POF1B: variants seen among roughly 807,000 people sequenced by gnomAD.
POF1B encodes POF1B actin binding protein, also known as protein POF1B.
A neutral mutation model predicts 55.3 loss-of-function variants in POF1B; 53 were observed. That is an observed-to-expected ratio of 0.96 (90% CI 0.77 to 1.20). The LOEUF (loss-of-function observed/expected upper bound fraction) is 1.20. POF1B is among the 50% of genes most tolerant of loss of function. The pLI, the probability that POF1B is intolerant of heterozygous loss-of-function variation, is 0.00. For missense variants in POF1B, 478 were observed against 420.5 expected (o/e 1.14, Z -1.20); for synonymous variants, 188 against 148.3 (o/e 1.27, Z -1.95).
chrX:85,367,802 T>A, intron 2 of POF1B, 36 bp from the exon 3 acceptor site: 1 of 914,685 alleles, frequency 1.1e-6, no homozygotes, highest in Non-Finnish European at 1.5e-6. Flanking sequence ...CAGAAATTAT[T>A]TGAAAGTCTT....
chrX:85,292,113 C>G (rs1250930021), intron 15 of POF1B, among the ~76,000 whole-genome samples: 1 of 111,423 alleles, frequency 9.0e-6, no homozygotes, highest in Non-Finnish European at 1.9e-5. Context: ...ATGTTCCTTC[C>G]ATACCTAGTT....
At chrX:85,369,220 C>T (rs1933779490) in intron 2 of POF1B, among the ~76,000 whole-genome samples, 2 of 111,159 alleles carry the variant, frequency 1.8e-5, no homozygotes, top group African/African-American at 6.5e-5. Flanking sequence ...CAGACAAATG[C>T]AGAGAATTAC....
chrX:85,282,445 GA>G, intron 15 of POF1B, 128 bp from the exon 16 acceptor site: 1 of 342,098 alleles, frequency 2.9e-6, no homozygotes, highest in South Asian at 1.5e-4. Context: ...AACTGTTACT[GA>G]AAAAACAAAA....
chrX:85,290,094 A>AG (rs1190029660), intron 15 of POF1B, among the ~76,000 whole-genome samples: 1 of 111,197 alleles, frequency 9.0e-6, no homozygotes, highest in Non-Finnish European at 1.9e-5. Context: ...ATAGTTTTTC[A>AG]GCCCTTGCCT....
At chrX:85,352,604 T>C (rs765415828) in intron 4 of POF1B, among the ~76,000 whole-genome samples, 1 of 111,550 alleles carries the variant, frequency 9.0e-6, no homozygotes, top group African/African-American at 3.2e-5. Flanking sequence ...GACTAGGTGA[T>C]GAAGTATTAA....
intron 15 of POF1B, among the ~76,000 whole-genome samples, chrX:85,297,070 C>T (rs1317187501): frequency 8.9e-6 from 1 of 111,743 alleles, no homozygotes; most frequent in Non-Finnish European, 1.9e-5. Context: ...TTTTCAATTC[C>T]AGAAGTTCCA....
chrX:85,360,821 A>T (rs1933603454), intron 3 of POF1B, among the ~76,000 whole-genome samples: 1 of 109,228 alleles, frequency 9.2e-6, no homozygotes, highest in African/African-American at 3.3e-5. Flanking sequence ...GAGCTAATTT[A>T]CACTCCCACC....
chrX:85,306,367 C>T, intron 11 of POF1B, 34 bp from the exon 12 acceptor site: 2 of 1,175,481 alleles, frequency 1.7e-6, no homozygotes, highest in Non-Finnish European at 2.3e-6. Context: ...AAGACAAATG[C>T]ATTTTGTTTT....
At chrX:85,295,330 A>G (rs1361138070) in intron 15 of POF1B, among the ~76,000 whole-genome samples, 1 of 111,468 alleles carries the variant, frequency 9.0e-6, no homozygotes, top group Admixed American at 9.5e-5. Flanking sequence ...TTAACTTGAG[A>G]TCTTTCTAAC....
At chrX:85,359,153 T>C in intron 4 of POF1B, among the ~76,000 whole-genome samples, 1 of 111,459 alleles carries the variant, frequency 9.0e-6, no homozygotes. Context: ...CATATCTCCA[T>C]GGCAAAGGTA....
chrX:85,290,162 C>G lies in POF1B; in HGVS notation c.1650-7845G>C, dbSNP rs557577390. 3.6e-5 allele frequency among the ~76,000 whole-genome samples: 4 copies of G among 110,799 alleles called. No individual in the cohort carries two copies. In the East Asian group the frequency reaches 1.1e-3, roughly 32 times the overall value. ...GTGTCTACTGTTCCAATCTTTATGC[C>G]CATGAGTATCCCATGTTTAGCTCCC... On this transcript the variant is annotated intron_variant, in intron 15 of 16. Transcript: ENST00000262753.
intron 7 of POF1B, among the ~76,000 whole-genome samples, chrX:85,325,094 C>A (rs1459723811): frequency 3.6e-5 from 4 of 111,634 alleles, no homozygotes; most frequent in Non-Finnish European, 7.5e-5. Context: ...TTGTAGGTGA[C>A]CTGCCCTTTC....
intron 7 of POF1B, among the ~76,000 whole-genome samples, chrX:85,322,130 C>T (rs1932844470): frequency 9.0e-6 from 1 of 111,006 alleles, no homozygotes; most frequent in African/African-American, 3.3e-5. Flanking sequence ...GAGCCCGCAT[C>T]GCCAAGTCAA....
intron 3 of POF1B, 109 bp from the exon 4 acceptor site, chrX:85,359,739 T>C (rs777833054): frequency 1.3e-5 from 6 of 479,120 alleles, no homozygotes; most frequent in Non-Finnish European, 1.8e-5. Flanking sequence ...GTTATTTGCA[T>C]GAATGATAAT....
At chrX:85,293,214 C>T (rs1160680970) in intron 15 of POF1B, among the ~76,000 whole-genome samples, 2 of 112,065 alleles carry the variant, frequency 1.8e-5, no homozygotes, top group African/African-American at 6.5e-5. Context: ...TGTAAAGATG[C>T]ATTTATGCGT....
intron 4 of POF1B, among the ~76,000 whole-genome samples, chrX:85,353,417 A>G (rs1933427337): frequency 9.0e-6 from 1 of 110,655 alleles, no homozygotes; most frequent in Non-Finnish European, 1.9e-5. Context: ...TATCCCAATA[A>G]TCAAAAACAG....
rs138151509 is a variant in POF1B at position 85,353,432 on chromosome X, G to T, written c.439-1981C>A. 9.2e-3 allele frequency among the ~76,000 whole-genome samples: 1,020 copies of T among 110,601 alleles called. 16 individuals are homozygous for T. The highest frequency in any genetic ancestry group is 0.032 in the African/African-American group (969 of 30,541). On this transcript the variant is annotated intron_variant, in intron 4 of 16. Transcript: ENST00000262753. ...TATCCCAATAATCAAAAACAGTACT[G>T]TTCAAAGATGACTCTGAGATCTTGA...
chrX:85,282,138 C>A (rs1423404118), intron 16 of POF1B, 65 bp downstream of exon 16: 1 of 1,037,060 alleles, frequency 9.6e-7, no homozygotes, highest in Non-Finnish European at 1.2e-6. Flanking sequence ...TGATATTTTA[C>A]CTCAATTTTA....
At chrX:85,343,172 G>A (rs1020052617) in intron 6 of POF1B, among the ~76,000 whole-genome samples, 2 of 108,878 alleles carry the variant, frequency 1.8e-5, no homozygotes, top group African/African-American at 3.3e-5. Context: ...ACATGTATCC[G>A]AGAACTTAAA....
Sources: allele counts gnomAD v4.1 joint callset (sites outside exome capture counted in the v4.1 genomes callset), GRCh38; gene constraint gnomAD v4.1.1; transcripts MANE v1.5; gene names NCBI Gene and HGNC (gene_info 2026-07-23, HGNC 2026-07-21).